EML5: variants seen among roughly 807,000 people sequenced by gnomAD.
The protein encoded by EML5 is echinoderm microtubule-associated protein-like 5.
In EML5, 120 loss-of-function variants were observed where a neutral mutation model predicts 250.0. That is an observed-to-expected ratio of 0.48 (90% CI 0.41 to 0.56). The LOEUF (loss-of-function observed/expected upper bound fraction) is 0.56. Ranked by LOEUF, EML5 falls within the 20% of genes least tolerant of loss-of-function variation. EML5 has a pLI of 0.00. For synonymous variants in EML5, 771 were observed against 806.5 expected (o/e 0.96, Z 0.75); for missense variants, 2,006 against 2,437.6 (o/e 0.82, Z 3.73).
chr14:88,700,892 A>G (rs1434061362), intron 14 of EML5, among the ~76,000 whole-genome samples: 1 of 152,150 alleles, frequency 6.6e-6, no homozygotes, highest in Non-Finnish European at 1.5e-5. Flanking sequence ...TCCTCAACTA[A>G]TGTCCATAAT....
intron 42 of EML5, 71 bp from the exon 43 acceptor site, chr14:88,616,313 A>G: frequency 7.1e-7 from 1 of 1,405,978 alleles, no homozygotes; most frequent in South Asian, 1.2e-5. Flanking sequence ...ATTAGGAACT[A>G]TAATCTCTAT....
At chr14:88,622,979 C>A in intron 36 of EML5, 1 of 307,448 alleles carries the variant, frequency 3.3e-6, no homozygotes, top group Non-Finnish European at 5.9e-6. Flanking sequence ...TATTTAGCCT[C>A]TACAATACAT....
chr14:88,713,785 A>C (rs7155837), intron 9 of EML5, among the ~76,000 whole-genome samples: 2,796 of 150,704 alleles, frequency 0.019, 98 homozygotes, highest in African/African-American at 0.064. Context: ...CTTTGGTTGC[A>C]ATTCTGTTTT....
Position 88,663,130 on chromosome 14 carries a change from A to T in EML5, c.3410-11T>A, listed in dbSNP as rs1019269678. On this transcript the variant is annotated splice_polypyrimidine_tract_variant and intron_variant, in intron 23 of 43. Transcript: ENST00000554922. ...CCTGTAAAAGCTTTCCTTCAAAAAA[A>T]TTTTTAAAAATATTTACACATATAA... 1 of 1,523,700 alleles carries T rather than the reference A, an allele frequency of 6.6e-7. No homozygotes were observed. Among genetic ancestry groups the T allele is most frequent in the Admixed American group, 2.1e-5 (1 of 47,378 alleles). The allele number at this position is 1,523,700 out of a possible 1,614,324, so 94.4% of individuals were successfully genotyped here.
intron 9 of EML5, among the ~76,000 whole-genome samples, chr14:88,714,162 C>CA (rs1362901573): frequency 2.6e-5 from 4 of 151,392 alleles, no homozygotes; most frequent in African/African-American, 7.3e-5. Context: ...GAGATAAACA[C>CA]AAAAAAAATG....
At position 88,613,512 on chromosome 14, in the gene EML5, G is replaced by A. The variant is rs2087151454; in HGVS notation, c.*2306C>T. 1 of 152,072 alleles carries A rather than the reference G, an allele frequency of 6.6e-6. No individual in the cohort carries two copies. Among genetic ancestry groups the A allele is most frequent in the Non-Finnish European group, 1.5e-5 (1 of 67,984 alleles). The allele number at this position is 152,072 out of a possible 1,614,324, so 9.4% of individuals were successfully genotyped here. A position where few individuals can be genotyped will look rare whatever the true frequency, so the allele number is the denominator to read the frequency against. ...AATAATAAAATACTAAAATCTGATT[G>A]TTTTTTGCTATTTAATAGCCACTGC... On this transcript the variant is annotated 3_prime_UTR_variant, in exon 44 of 44. Transcript: ENST00000554922.
intron 1 of EML5, among the ~76,000 whole-genome samples, chr14:88,763,948 A>G (rs969767687): frequency 6.6e-6 from 1 of 152,232 alleles, no homozygotes; most frequent in African/African-American, 2.4e-5. Context: ...TAAAAATATG[A>G]ATAAGTATTA....
rs201948547 is a variant in EML5, at chr14:88,712,367, T to C, written c.1561A>G (p.Ile521Val). ...IWPKYSDIND[I>V]NSVDGNYIGQ... ...ATATAATTTCCATCTACTGAATTTA[T>C]ATCGTTGATATCTGAATACTTGGGC... The change falls in exon 10 of 44, where the codon ATA becomes GTA. Residue 521 changes from isoleucine (I) to valine (V), a missense_variant. By Grantham distance (29) the Ile-to-Val change is conservative. Transcript: ENST00000554922. 534 of 1,613,504 alleles carry C rather than the reference T, an allele frequency of 3.3e-4. 2 individuals carry two copies. The African/African-American group carries it at 6.6e-3, about 20-fold the overall frequency.
intron 1 of EML5, among the ~76,000 whole-genome samples, chr14:88,776,068 G>A (rs1271402029): frequency 1.3e-5 from 2 of 152,228 alleles, no homozygotes; most frequent in African/African-American, 4.8e-5. Context: ...TGGGCTTGGG[G>A]TGCCCCCTAA....
At chr14:88,716,256 G>A (rs2139936257) in intron 8 of EML5, among the ~76,000 whole-genome samples, 1 of 152,238 alleles carries the variant, frequency 6.6e-6, no homozygotes. Flanking sequence ...ATAGAAAAAT[G>A]AGCCCCAAGA....
intron 8 of EML5, among the ~76,000 whole-genome samples, chr14:88,716,689 G>A (rs190082045): frequency 3.7e-4 from 56 of 151,672 alleles, no homozygotes; most frequent in Non-Finnish European, 6.2e-4. Context: ...AGAGAAGAAC[G>A]TCTTATGTCC....
chr14:88,693,233 T>TA (rs1758044821), intron 17 of EML5, among the ~76,000 whole-genome samples: 1 of 152,212 alleles, frequency 6.6e-6, no homozygotes, highest in African/African-American at 2.4e-5. Context: ...ACTACTGTAT[T>TA]AGTCTGTTCT....
intron 7 of EML5, among the ~76,000 whole-genome samples, chr14:88,735,616 A>C (rs968631508): frequency 6.6e-6 from 1 of 152,180 alleles, no homozygotes; most frequent in Admixed American, 6.5e-5. Context: ...CCTCTATGTA[A>C]GGCCTTATCT....
rs1477594028 is a variant in EML5, at chr14:88,638,852, G to T, written c.4293C>A (p.Asn1431Lys). 1.3e-6 allele frequency: 2 copies of T among 1,598,874 alleles called. No homozygotes were observed. Among genetic ancestry groups the T allele is most frequent in the Middle Eastern group, 3.3e-4 (2 of 6,022 alleles). ...CTATGTTGATAAATTTGGGGTGCTG[G>T]TTTACTGTGAGGCACAGAATATCAT... ...HNDDILCLTV[N>K]QHPKFINIVA... Residue 1431 changes from asparagine to lysine, a missense_variant, in exon 32 of 44, where the codon AAC (asparagine) becomes AAA (lysine). This residue lies in a region of EML5 where 1,375 missense variants were observed against 1,590.3 expected (regional missense o/e 0.86). Transcript: ENST00000554922.
intron 33 of EML5, among the ~76,000 whole-genome samples, chr14:88,629,892 ACT>A (rs994972267): frequency 3.3e-5 from 5 of 151,684 alleles, no homozygotes; most frequent in African/African-American, 1.2e-4. Context: ...ACCGTTTTTC[ACT>A]CTTAGTTTCC....
At chr14:88,737,390 A>AGTGTGTGCTATC (rs1218919584) in intron 6 of EML5, among the ~76,000 whole-genome samples, 9 of 152,218 alleles carry the variant, frequency 5.9e-5, no homozygotes, top group African/African-American at 2.2e-4. Flanking sequence ...CGGCCCAGCC[A>AGTGTGTGCTATC]CAGGCTGAGC....
At chr14:88,777,560 C>G (rs1299865160) in intron 1 of EML5, among the ~76,000 whole-genome samples, 1 of 152,192 alleles carries the variant, frequency 6.6e-6, no homozygotes, top group East Asian at 1.9e-4. Context: ...AACACTGCAA[C>G]TGTGGTATGT....
At chr14:88,788,027 C>CTAGA (rs1187586651) in intron 1 of EML5, among the ~76,000 whole-genome samples, 1 of 152,108 alleles carries the variant, frequency 6.6e-6, no homozygotes, top group Non-Finnish European at 1.5e-5. Context: ...GAGCAAAAGG[C>CTAGA]TAGAAACTGG....
At position 88,792,920 on chromosome 14, in the gene EML5, A is replaced by C. The variant is rs891190179; in HGVS notation, c.-417T>G. ...CGGCTTTGTAGCCACAGCCTGGCGGACCCGCGCCGCGCACCCCGAAACCGA... is the reference window on the plus strand; with the variant it reads ...CGGCTTTGTAGCCACAGCCTGGCGGCCCCGCGCCGCGCACCCCGAAACCGA... On this transcript the variant is annotated 5_prime_UTR_variant, in exon 1 of 44. Transcript: ENST00000554922. This position sits in a 1 kb window ranked among gnomAD's most constrained non-coding sequence, Gnocchi z 6.9. 2.9e-3 allele frequency among the ~76,000 whole-genome samples: 434 copies of C among 151,354 alleles called. 3 individuals carry two copies. The highest frequency in any genetic ancestry group is 9.6e-3 in the African/African-American group (396 of 41,206).
Sources: allele counts gnomAD v4.1 joint callset (sites outside exome capture counted in the v4.1 genomes callset), GRCh38; gene constraint gnomAD v4.1.1; regional missense constraint gnomAD v4.1.1; non-coding constraint Gnocchi (gnomAD v3.1); transcripts MANE v1.5; gene names NCBI Gene and HGNC (gene_info 2026-07-23, HGNC 2026-07-21).